SOX6: variants seen among roughly 807,000 people sequenced by gnomAD.
SOX6 encodes the protein SRY-box transcription factor 6.
In SOX6, 11 loss-of-function variants were observed where a neutral mutation model predicts 97.8. That is an observed-to-expected ratio of 0.11 (90% CI 0.07 to 0.19). The LOEUF (loss-of-function observed/expected upper bound fraction) is 0.19. Ranked by LOEUF, SOX6 falls within the 10% of genes least tolerant of loss-of-function variation. The pLI is 1.00. For missense variants in SOX6, 810 were observed against 1,039.5 expected (o/e 0.78, Z 3.04); for synonymous variants, 360 against 371.4 (o/e 0.97, Z 0.35).
At chr11:16,258,471 A>G (rs1853763907) in intron 3 of SOX6, among the ~76,000 whole-genome samples, 1 of 152,082 alleles carries the variant, frequency 6.6e-6, no homozygotes, top group East Asian at 1.9e-4. Context: ...TATTATGCAT[A>G]CTGTAATATC....
At chr11:16,133,494 A>G (rs1479980026) in intron 6 of SOX6, among the ~76,000 whole-genome samples, 1 of 152,226 alleles carries the variant, frequency 6.6e-6, no homozygotes, top group East Asian at 1.9e-4. Flanking sequence ...GAATCTCTCA[A>G]GACAAAAATA....
intron 4 of SOX6, among the ~76,000 whole-genome samples, chr11:16,486,835 G>A (rs957999122): frequency 3.3e-5 from 5 of 151,950 alleles, no homozygotes; most frequent in Admixed American, 2.0e-4. Context: ...GTGACAGAGC[G>A]AGACTCCATC....
chr11:16,357,839 C>T (rs1857113745), upstream of SOX6, among the ~76,000 whole-genome samples: 1 of 152,184 alleles, frequency 6.6e-6, no homozygotes, highest in African/African-American at 2.4e-5. Flanking sequence ...CCTTTTAAAA[C>T]AAAGCCCACA....
chr11:16,186,421 C>T (rs1013569016), intron 5 of SOX6, among the ~76,000 whole-genome samples: 8 of 152,128 alleles, frequency 5.3e-5, no homozygotes, highest in Non-Finnish European at 1.0e-4. Flanking sequence ...ACAGAACCCC[C>T]TTTTTCTGGG....
chr11:16,575,446 A>C (rs1250438643), intron 4 of SOX6, among the ~76,000 whole-genome samples: 1 of 152,176 alleles, frequency 6.6e-6, no homozygotes, highest in Non-Finnish European at 1.5e-5. Flanking sequence ...TATATGCAAA[A>C]AAAGGTTTAT....
chr11:16,161,390 A>G (rs1035377796), intron 6 of SOX6, among the ~76,000 whole-genome samples: 5 of 149,424 alleles, frequency 3.3e-5, no homozygotes, highest in African/African-American at 4.9e-5. Flanking sequence ...ATAGTCTTGT[A>G]TATATATATA....
At chr11:16,646,194 G>C (rs1849011068) in intron 3 of SOX6, 1 of 152,182 alleles carries the variant, frequency 6.6e-6, no homozygotes, top group Non-Finnish European at 1.5e-5. Flanking sequence ...CATATTTAAA[G>C]CCTCTGCTCA....
intron 1 of SOX6, among the ~76,000 whole-genome samples, chr11:16,416,507 T>C (rs1026804641): frequency 6.6e-6 from 1 of 152,212 alleles, no homozygotes; most frequent in African/African-American, 2.4e-5. Flanking sequence ...TAATGGCTAA[T>C]TTGTACCAGC....
chr11:15,983,155 T>C (rs574636682), intron 15 of SOX6, among the ~76,000 whole-genome samples: 45 of 152,022 alleles, frequency 3.0e-4, no homozygotes, highest in Admixed American at 3.0e-3. Context: ...GCCAGATACA[T>C]ACATGAATAG....
At chr11:16,025,760 A>T (rs552744545) in intron 12 of SOX6, among the ~76,000 whole-genome samples, 32 of 152,316 alleles carry the variant, frequency 2.1e-4, no homozygotes, top group African/African-American at 7.0e-4. Context: ...AAACACAAAA[A>T]GTGGGAAAAT....
intron 4 of SOX6, among the ~76,000 whole-genome samples, chr11:16,588,705 G>C (rs765684927): frequency 6.6e-6 from 1 of 152,032 alleles, no homozygotes; most frequent in Non-Finnish European, 1.5e-5. Context: ...ATAAAAGATG[G>C]GTTAAATCTG....
intron 3 of SOX6, among the ~76,000 whole-genome samples, chr11:16,251,253 A>C (rs1218121252): frequency 6.6e-6 from 1 of 152,096 alleles, no homozygotes; most frequent in Non-Finnish European, 1.5e-5. Context: ...AAAAATGAAC[A>C]ATTAAGGAAA....
intron 4 of SOX6, among the ~76,000 whole-genome samples, chr11:16,547,113 C>G (rs978288117): frequency 6.6e-6 from 1 of 152,042 alleles, no homozygotes; most frequent in African/African-American, 2.4e-5. Flanking sequence ...CAAAAAATAA[C>G]AGATGATGGT....
At chr11:16,641,788 G>T (rs1201309068) in intron 3 of SOX6, among the ~76,000 whole-genome samples, 1 of 152,010 alleles carries the variant, frequency 6.6e-6, no homozygotes, top group Non-Finnish European at 1.5e-5. Flanking sequence ...TTTATTTTGA[G>T]CCTATGTGTG....
intron 11 of SOX6, 49 bp from the exon 12 acceptor site, chr11:16,046,750 A>G (rs1483361210): frequency 2.6e-6 from 4 of 1,566,780 alleles, no homozygotes; most frequent in Non-Finnish European, 3.5e-6. Context: ...CAGACTCCTA[A>G]AAAGTACTAC....
At chr11:16,225,700 C>T (rs982658998) in intron 4 of SOX6, among the ~76,000 whole-genome samples, 1 of 152,098 alleles carries the variant, frequency 6.6e-6, no homozygotes, top group African/African-American at 2.4e-5. Context: ...TAAGTTACTT[C>T]AAGAATAACC....
intron 12 of SOX6, among the ~76,000 whole-genome samples, chr11:16,034,264 G>T (rs1184988874): frequency 6.6e-6 from 1 of 152,082 alleles, no homozygotes; most frequent in Admixed American, 6.6e-5. Context: ...GAGAACTAAG[G>T]CCATTGCGCA....
intron 6 of SOX6, among the ~76,000 whole-genome samples, chr11:16,181,129 C>G (rs1163514682): frequency 6.6e-6 from 1 of 151,498 alleles, no homozygotes; most frequent in Non-Finnish European, 1.5e-5. Flanking sequence ...GCATTCTAAA[C>G]TAGAGGAACG....
At chr11:16,321,524 G>A (rs745911146) in intron 2 of SOX6, among the ~76,000 whole-genome samples, 2 of 151,900 alleles carry the variant, frequency 1.3e-5, no homozygotes, top group Non-Finnish European at 2.9e-5. Context: ...TCTTATTTAC[G>A]CATTGTTATG....
Sources: allele counts gnomAD v4.1 joint callset (sites outside exome capture counted in the v4.1 genomes callset), GRCh38; gene constraint gnomAD v4.1.1; transcripts MANE v1.5; gene names NCBI Gene and HGNC (gene_info 2026-07-23, HGNC 2026-07-21).